CNIH3: variants seen among roughly 807,000 people sequenced by gnomAD.
CNIH3 encodes the protein protein cornichon homolog 3.
Under a neutral mutation model 24.1 loss-of-function variants are expected in CNIH3, and 14 were observed. The ratio of observed to expected loss-of-function variants is 0.58; its 90% CI spans 0.38 to 0.91. The LOEUF (loss-of-function observed/expected upper bound fraction) is 0.91. CNIH3 is among the 40% of genes least tolerant of loss of function. CNIH3 has a pLI of 0.00. For missense variants in CNIH3, 178 were observed against 196.8 expected, an observed-to-expected ratio of 0.90 and a Z score of 0.57; for synonymous variants, 68 against 73.8, an observed-to-expected ratio of 0.92 and a Z score of 0.40.
At chr1:224,553,391 T>C (rs899043974) in intron 3 of CNIH3, among the ~76,000 whole-genome samples, 2 of 152,128 alleles carry the variant, frequency 1.3e-5, no homozygotes, top group African/African-American at 4.8e-5. Context: ...GCTACTTCGC[T>C]TGAAAGATGC....
chr1:224,577,030 G>A (rs1681064131), intron 4 of CNIH3, among the ~76,000 whole-genome samples: 1 of 152,102 alleles, frequency 6.6e-6, no homozygotes, highest in South Asian at 2.1e-4. Flanking sequence ...AATGAAGCTG[G>A]CTCCTCATCT....
chr1:224,481,435 G>C (rs1676808035), intron 1 of CNIH3, among the ~76,000 whole-genome samples: 1 of 152,326 alleles, frequency 6.6e-6, no homozygotes, highest in Non-Finnish European at 1.5e-5. Flanking sequence ...TGTGATCTAA[G>C]TTTTTGGTCA....
Position 224,616,744 on chromosome 1 carries a change from C to T in CNIH3, c.-431C>T. 9.9e-7 allele frequency: 1 copy of T among 1,007,774 alleles called. No individual in the cohort carries two copies. The allele number at this position is 1,007,774 out of a possible 1,614,324, so 62.4% of individuals were successfully genotyped here. On this transcript the variant is annotated 5_prime_UTR_variant, in exon 1 of 6. Coordinates refer to ENST00000272133, the MANE Select transcript of CNIH3 (RefSeq NM_152495.2). ...GGTCCGGAGCGGAGCGCTCGTCTCTCCTCAGCGGTTTAGTGGAGAAAAGCA... is the reference window on the plus strand; with the variant it reads ...GGTCCGGAGCGGAGCGCTCGTCTCTTCTCAGCGGTTTAGTGGAGAAAAGCA...
intron 3 of CNIH3, among the ~76,000 whole-genome samples, chr1:224,711,230 A>G (rs190797585): frequency 1.1e-4 from 17 of 152,358 alleles, no homozygotes; most frequent in Admixed American, 9.8e-4. Context: ...TTGAAACAAA[A>G]TGGTATTTAA....
At chr1:224,709,935 A>G (rs1688045282) in intron 3 of CNIH3, among the ~76,000 whole-genome samples, 2 of 152,242 alleles carry the variant, frequency 1.3e-5, no homozygotes, top group South Asian at 4.1e-4. Flanking sequence ...ATACATATCT[A>G]TGATAAAGTT....
At chr1:224,619,975 T>C (rs1683203105) in intron 1 of CNIH3, among the ~76,000 whole-genome samples, 1 of 152,260 alleles carries the variant, frequency 6.6e-6, no homozygotes, top group Admixed American at 6.5e-5. Flanking sequence ...ACAGAGGATC[T>C]CTCAGTCCAA....
intron 1 of CNIH3, among the ~76,000 whole-genome samples, chr1:224,520,223 C>A (rs1355588705): frequency 3.9e-5 from 6 of 152,138 alleles, no homozygotes; most frequent in African/African-American, 1.4e-4. Flanking sequence ...TTTAGGACAC[C>A]CTAAATTTAT....
chr1:224,647,132 G>T (rs912395837), intron 1 of CNIH3, among the ~76,000 whole-genome samples: 1 of 152,064 alleles, frequency 6.6e-6, no homozygotes, highest in Non-Finnish European at 1.5e-5. Context: ...ACAGGCACCC[G>T]CCGCCACACC....
chr1:224,450,950 C>G (rs907483884), intron 1 of CNIH3, among the ~76,000 whole-genome samples: 2 of 152,220 alleles, frequency 1.3e-5, no homozygotes, highest in Non-Finnish European at 2.9e-5. Context: ...CTGAAATATG[C>G]TTTTAACCTT....
intron 3 of CNIH3, among the ~76,000 whole-genome samples, chr1:224,547,495 T>G (rs1679745888): frequency 1.3e-5 from 2 of 152,086 alleles, no homozygotes; most frequent in Non-Finnish European, 2.9e-5. Context: ...AATATCACAG[T>G]GGGTGTACAC....
At chr1:224,601,966 A>G (rs1001753085) in intron 3 of CNIH3, among the ~76,000 whole-genome samples, 1 of 152,378 alleles carries the variant, frequency 6.6e-6, no homozygotes, top group African/African-American at 2.4e-5. Flanking sequence ...CACCAGCACT[A>G]TCTGAACAAT....
chr1:224,633,247 C>G (rs1683917532), intron 1 of CNIH3, among the ~76,000 whole-genome samples: 1 of 152,126 alleles, frequency 6.6e-6, no homozygotes, highest in Admixed American at 6.5e-5. Flanking sequence ...CAACTTCTGC[C>G]TCCCAGGTTC....
chr1:224,542,050 A>C (rs1489867175), downstream of CNIH3, among the ~76,000 whole-genome samples: 1 of 152,188 alleles, frequency 6.6e-6, no homozygotes, highest in Non-Finnish European at 1.5e-5. Context: ...CAGGGCCTCC[A>C]TAGAATGGCT....
chr1:224,478,338 G>A (rs1167707720), intron 1 of CNIH3, among the ~76,000 whole-genome samples: 1 of 152,032 alleles, frequency 6.6e-6, no homozygotes, highest in African/African-American at 2.4e-5. Flanking sequence ...TTGTAGGCAT[G>A]CTTCATTCTT....
At chr1:224,643,188 C>G (rs533579297) in intron 1 of CNIH3, among the ~76,000 whole-genome samples, 1 of 152,156 alleles carries the variant, frequency 6.6e-6, no homozygotes, top group African/African-American at 2.4e-5. Flanking sequence ...AAATACCTGC[C>G]GAGGATCCTG....
At chr1:224,676,760 G>A (rs1686159063) in intron 1 of CNIH3, among the ~76,000 whole-genome samples, 1 of 152,212 alleles carries the variant, frequency 6.6e-6, no homozygotes, top group South Asian at 2.1e-4. Flanking sequence ...CTTAGCTCTA[G>A]ATAGAAGTCT....
chr1:224,716,185 C>G (rs1396612973), intron 3 of CNIH3, among the ~76,000 whole-genome samples: 1 of 152,208 alleles, frequency 6.6e-6, no homozygotes, highest in Non-Finnish European at 1.5e-5. Context: ...TTGCCTGGAA[C>G]ACTACAAAGA....
Position 224,616,522 on chromosome 1 carries a change from G to T in CNIH3, c.-653G>T, listed in dbSNP as rs1682996903. ...CTGGCCGGAGTCACGGTTGGGGACG[G>T]GCGCGCCTCGGAGCGCACGGCTGCG... On this transcript the variant is annotated 5_prime_UTR_variant, in exon 1 of 6. Coordinates refer to ENST00000272133, the MANE Select transcript of CNIH3 (RefSeq NM_152495.2). 5.1e-6 allele frequency: 5 copies of T among 987,242 alleles called. No individual in the cohort carries two copies. Among genetic ancestry groups the T allele is most frequent in the Non-Finnish European group, 6.0e-6 (5 of 830,948 alleles). The allele number at this position is 987,242 out of a possible 1,614,324, so 61.2% of individuals were successfully genotyped here.
intron 1 of CNIH3, among the ~76,000 whole-genome samples, chr1:224,484,977 C>T (rs1487930573): frequency 1.3e-5 from 2 of 152,134 alleles, no homozygotes. Context: ...TGATCTTTCT[C>T]CTCACCAAGG....
Sources: allele counts gnomAD v4.1 joint callset (sites outside exome capture counted in the v4.1 genomes callset), GRCh38; gene constraint gnomAD v4.1.1; transcripts MANE v1.5; gene names NCBI Gene and HGNC (gene_info 2026-07-23, HGNC 2026-07-21).